The following MCCC1 variants were observed in gnomAD, a reference collection of about 807,000 sequenced individuals.
The protein encoded by MCCC1 is methylcrotonyl-CoA carboxylase subunit 1.
A neutral mutation model predicts 83.8 loss-of-function variants in MCCC1; 64 were observed. The ratio of observed to expected loss-of-function variants is 0.76; its 90% CI spans 0.62 to 0.94. The LOEUF (loss-of-function observed/expected upper bound fraction) is 0.94. Ranked by LOEUF, MCCC1 falls within the 40% of genes least tolerant of loss-of-function variation. The pLI, the probability that MCCC1 is intolerant of heterozygous loss-of-function variation, is 0.00. For synonymous variants in MCCC1, 322 were observed against 315.4 expected (o/e 1.02, Z -0.22); for missense variants, 807 against 904.7 (o/e 0.89, Z 1.39).
intron 1 of MCCC1, among the ~76,000 whole-genome samples, chr3:183,097,768 T>C (rs10513790): frequency 0.5 from 75,991 of 152,038 alleles, 21,885 homozygotes; most frequent in Non-Finnish European, 0.65. Flanking sequence ...TACTTGAGGA[T>C]AGTTCTTTAG....
At chr3:183,039,170 A>G in intron 11 of MCCC1, 35 bp from the exon 12 acceptor site, 2 of 1,582,120 alleles carry the variant, frequency 1.3e-6, no homozygotes, top group Non-Finnish European at 1.7e-6. Context: ...TCTTCAAGTC[A>G]AAACACGAAG....
At chr3:183,085,399 G>A (rs1340714703) in intron 4 of MCCC1, among the ~76,000 whole-genome samples, 1 of 152,058 alleles carries the variant, frequency 6.6e-6, no homozygotes, top group African/African-American at 2.4e-5. Flanking sequence ...GGGAACTGAG[G>A]CAGGCAGATC....
intron 7 of MCCC1, among the ~76,000 whole-genome samples, chr3:183,070,668 G>A (rs919936078): frequency 6.6e-6 from 1 of 151,644 alleles, no homozygotes; most frequent in Non-Finnish European, 1.5e-5. Context: ...GGGAGGCAGA[G>A]GTTGCAATGA....
Position 183,041,707 on chromosome 3 carries a change from GT to G in MCCC1, c.1126del (p.Thr376LeufsTer27). The G allele has an allele frequency of 3.1e-6, 5 of 1,614,198 alleles. No individual in the cohort carries two copies. The highest frequency in any genetic ancestry group is 4.2e-6 in the Non-Finnish European group (5 of 1,180,038). ...AGCTTCGAAGGCATGGCCCTGCAGA[GT>G]TATTTCTTCCTGGCTCAAAGGAATC... ...EKIPLSQEEI[T>X]LQGHAFEARI... is the part of the protein sequence containing the mutation. On this transcript the variant is annotated frameshift_variant, in exon 11 of 19. Transcript: ENST00000265594. LOFTEE classifies it high-confidence loss of function.
chr3:183,107,415 AAAAAAAGAAAAAG>A (rs1719422740), intron 1 of MCCC1, among the ~76,000 whole-genome samples: 1 of 151,048 alleles, frequency 6.6e-6, no homozygotes, highest in African/African-American at 2.5e-5. Context: ...TCTCAAAAAA[AAAAAAAGAAAAAG>A]AAAAAGAAAA....
chr3:183,052,679 G>A (rs551005486), intron 8 of MCCC1, among the ~76,000 whole-genome samples: 8 of 151,922 alleles, frequency 5.3e-5, no homozygotes, highest in Admixed American at 1.3e-4. Context: ...GCATGGTGGC[G>A]GGCGCCTGTA....
In MCCC1 at chr3:183,033,978, A is replaced by C. The variant is rs748070009; in HGVS notation, c.1681+13T>G. On this transcript the variant is annotated intron_variant, in intron 14 of 18. Coordinates refer to ENST00000265594, the MANE Select transcript of MCCC1 (RefSeq NM_020166.5). ...TATGACTCACATTTCTCTTTTAATG[A>C]AACATTACTTACTGTTTTTACCATC... 6.4e-7 allele frequency: 1 copy of C among 1,565,466 alleles called. No individual in the cohort carries two copies. Among genetic ancestry groups the C allele is most frequent in the African/African-American group, 1.4e-5 (1 of 73,886 alleles).
upstream of MCCC1, among the ~76,000 whole-genome samples, chr3:183,102,657 C>T (rs912065583): frequency 4.8e-5 from 7 of 146,878 alleles, no homozygotes; most frequent in African/African-American, 1.5e-4. Context: ...TTACTTCTTA[C>T]ACCTAACACC....
Position 183,041,592 on chromosome 3 carries a change from G to A in MCCC1, c.1242C>T (p.Thr414=). The A allele has an allele frequency of 6.2e-7, 1 of 1,614,062 alleles. No homozygotes were observed. Among genetic ancestry groups the A allele is most frequent in the Non-Finnish European group, 8.5e-7 (1 of 1,179,950 alleles). Residue 414 remains threonine, a synonymous_variant, in exon 11 of 19, where the codon ACC becomes ACT. Coordinates refer to ENST00000265594, the MANE Select transcript of MCCC1 (RefSeq NM_020166.5). ...HLSTPRADPS[T]RIETGVRQGD... is the part of the protein sequence containing the mutation. ...CTTGCCGTACTCCAGTTTCAATCCT[G>A]GTGGAAGGGTCTGCTCGAGGAGTAG...
rs557025448 is a variant in MCCC1, at chr3:183,090,888, G to A, written c.273+1521C>T. The A allele has an allele frequency of 7.5e-5, 32 of 427,822 alleles. No homozygotes were observed. In the East Asian group the frequency reaches 1.5e-3, roughly 20 times the overall value. The allele number at this position is 427,822 out of a possible 1,614,324, so 26.5% of individuals were successfully genotyped here. On this transcript the variant is annotated intron_variant, in intron 3 of 18. Coordinates refer to ENST00000265594, the MANE Select transcript of MCCC1 (RefSeq NM_020166.5). ...CAGGTGTGAGCCACTGCGCCCAGCCGGGAAAATTCTTAAAAAGACAAGAAG... is the reference window on the plus strand; with the variant it reads ...CAGGTGTGAGCCACTGCGCCCAGCCAGGAAAATTCTTAAAAAGACAAGAAG...
At chr3:183,022,896 T>G (rs1712275257) in intron 15 of MCCC1, among the ~76,000 whole-genome samples, 1 of 152,226 alleles carries the variant, frequency 6.6e-6, no homozygotes, top group African/African-American at 2.4e-5. Context: ...TTAAAATTCA[T>G]TTGCATATAT....
At chr3:183,040,238 T>G (rs1713965750) in intron 11 of MCCC1, among the ~76,000 whole-genome samples, 1 of 152,084 alleles carries the variant, frequency 6.6e-6, no homozygotes, top group African/African-American at 2.4e-5. Flanking sequence ...GCTGCCAATT[T>G]ATTTTTAAGA....
chr3:183,018,942 T>C (rs1165110314), intron 17 of MCCC1, among the ~76,000 whole-genome samples: 2 of 152,224 alleles, frequency 1.3e-5, no homozygotes, highest in Non-Finnish European at 2.9e-5. Context: ...ATAGATCCTA[T>C]ATGGTCTCAC....
At chr3:183,091,915 A>G (rs1056920459) in intron 3 of MCCC1, among the ~76,000 whole-genome samples, 1 of 152,046 alleles carries the variant, frequency 6.6e-6, no homozygotes, top group South Asian at 2.1e-4. Context: ...GAGGGCACCT[A>G]TAGTTCCAGC....
chr3:183,086,665 G>A (rs1038189950), intron 4 of MCCC1, 28 bp downstream of exon 4: 1 of 1,597,570 alleles, frequency 6.3e-7, no homozygotes, highest in Non-Finnish European at 8.6e-7. Flanking sequence ...TATTCCTTTT[G>A]CACTGCAAAT....
chr3:183,073,669 A>G (rs748848352), intron 4 of MCCC1, among the ~76,000 whole-genome samples: 3 of 152,240 alleles, frequency 2.0e-5, no homozygotes, highest in Non-Finnish European at 4.4e-5. Flanking sequence ...GCAACAGGAA[A>G]ATGACATGAA....
At chr3:183,110,824 AAGGT>A (rs1719479972) in intron 1 of MCCC1, among the ~76,000 whole-genome samples, 1 of 152,184 alleles carries the variant, frequency 6.6e-6, no homozygotes, top group Non-Finnish European at 1.5e-5. Context: ...TGTATGGAGA[AAGGT>A]AGGGATCTAG....
chr3:183,020,055 G>A (rs757331395), intron 17 of MCCC1, 75 bp downstream of exon 17: 3 of 1,103,966 alleles, frequency 2.7e-6, no homozygotes, highest in Non-Finnish European at 4.1e-6. Flanking sequence ...AAGGGAAAAG[G>A]ACATAAATGA....
intron 7 of MCCC1, among the ~76,000 whole-genome samples, chr3:183,062,744 G>A (rs1273616814): frequency 6.6e-6 from 1 of 152,138 alleles, no homozygotes; most frequent in East Asian, 1.9e-4. Flanking sequence ...TAGGATTTCT[G>A]TAGTCATTCA....
Sources: gnomAD v4.1 joint callset for allele counts (sites outside exome capture counted in the v4.1 genomes callset) on GRCh38, gnomAD v4.1.1 for gene constraint, MANE v1.5 for transcripts, NCBI Gene and HGNC (gene_info 2026-07-23, HGNC 2026-07-21) for gene names.